Variants in B3GALT1 observed in about 807,000 individuals in gnomAD.
The protein encoded by B3GALT1 is beta-1,3-galactosyltransferase 1, also known as UDP-Gal:betaGlcNAc beta 1,3-galactosyltransferase, polypeptide 1.
B3GALT1 carries 10 observed loss-of-function variants against 23.2 expected under a neutral mutation model. That is an observed-to-expected ratio of 0.43 (90% CI 0.27 to 0.73). The LOEUF (loss-of-function observed/expected upper bound fraction) is 0.73. B3GALT1 is among the 30% of genes least tolerant of loss of function. The pLI is 0.21. For missense variants in B3GALT1, 299 were observed against 405.4 expected (o/e 0.74, Z 2.25); for synonymous variants, 156 against 141.5 (o/e 1.10, Z -0.73).
At chr2:167,785,074 G>T (rs1436476412) in intron 3 of B3GALT1, among the ~76,000 whole-genome samples, 2 of 152,206 alleles carry the variant, frequency 1.3e-5, no homozygotes, top group African/African-American at 4.8e-5. Context: ...CCCTGGAGAA[G>T]TCAGTAGGTT....
intron 3 of B3GALT1, among the ~76,000 whole-genome samples, chr2:167,668,448 C>T (rs966125639): frequency 2.0e-5 from 3 of 152,198 alleles, no homozygotes; most frequent in African/African-American, 7.2e-5. Context: ...CAGAGGCAGG[C>T]AGTCCTCCTT....
At chr2:167,725,756 C>A (rs1320213504) in intron 3 of B3GALT1, among the ~76,000 whole-genome samples, 1 of 152,042 alleles carries the variant, frequency 6.6e-6, no homozygotes, top group Non-Finnish European at 1.5e-5. Context: ...CCACAGTTGA[C>A]CCCATGAACC....
In B3GALT1 at chr2:167,823,539, G is replaced by A. The variant is rs78860412; in HGVS notation, c.-230+4746G>A. ...GAATTTTGTAAACAATCTCATAGGT[G>A]ACTAATTTGGTATAGCGAACAAAAG... On this transcript the variant is annotated intron_variant, in intron 4 of 4. Transcript: ENST00000392690. Among the ~76,000 whole-genome samples the A allele has an allele frequency of 8.7e-3, 1,321 of 152,304 alleles. 26 individuals are homozygous for A. Among genetic ancestry groups the A allele is most frequent in the African/African-American group, 0.03 (1,260 of 41,572 alleles).
intron 1 of B3GALT1, among the ~76,000 whole-genome samples, chr2:167,424,991 CCTT>C (rs1481654272): frequency 2.6e-4 from 40 of 152,204 alleles, no homozygotes; most frequent in Admixed American, 9.2e-4. Context: ...CCCAGCTGCT[CCTT>C]CTGGTTAATT....
chr2:167,493,108 G>T (rs933970229), intron 2 of B3GALT1, among the ~76,000 whole-genome samples: 1 of 152,100 alleles, frequency 6.6e-6, no homozygotes, highest in Admixed American at 6.5e-5. Flanking sequence ...TACATATGAG[G>T]CACATCAAAT....
intron 2 of B3GALT1, among the ~76,000 whole-genome samples, chr2:167,529,901 G>GT (rs892237048): frequency 3.2e-4 from 48 of 151,962 alleles, no homozygotes; most frequent in African/African-American, 9.6e-4. Flanking sequence ...AGCCAAAGCA[G>GT]TTTTTTTAAA....
intron 3 of B3GALT1, among the ~76,000 whole-genome samples, chr2:167,702,886 C>G (rs533438281): frequency 2.0e-5 from 3 of 152,306 alleles, no homozygotes; most frequent in Admixed American, 2.0e-4. Flanking sequence ...AAGTTTGTTC[C>G]AGTTTAAACT....
intron 1 of B3GALT1, among the ~76,000 whole-genome samples, chr2:167,324,733 G>A (rs1696866359): frequency 1.3e-5 from 2 of 151,896 alleles, no homozygotes; most frequent in Admixed American, 1.3e-4. Flanking sequence ...TAGCTTTTCT[G>A]GCTATTTTGA....
intron 3 of B3GALT1, among the ~76,000 whole-genome samples, chr2:167,709,040 T>C (rs1034248057): frequency 6.6e-6 from 1 of 152,320 alleles, no homozygotes; most frequent in African/African-American, 2.4e-5. Flanking sequence ...TTAGGATAAA[T>C]GTTTTGTTGG....
intron 2 of B3GALT1, among the ~76,000 whole-genome samples, chr2:167,594,246 ACAAAT>A (rs1206189371): frequency 6.6e-6 from 1 of 152,174 alleles, no homozygotes; most frequent in Non-Finnish European, 1.5e-5. Flanking sequence ...GTGGCATTAG[ACAAAT>A]CAAGGCACTG....
chr2:167,367,198 G>A (rs1406460322), intron 1 of B3GALT1, among the ~76,000 whole-genome samples: 1 of 152,134 alleles, frequency 6.6e-6, no homozygotes, highest in Non-Finnish European at 1.5e-5. Flanking sequence ...ATAAATTTAA[G>A]TTAATGGCAA....
At chr2:167,392,439 C>T (rs1265997513) in intron 1 of B3GALT1, among the ~76,000 whole-genome samples, 3 of 152,002 alleles carry the variant, frequency 2.0e-5, no homozygotes, top group Non-Finnish European at 2.9e-5. Context: ...ATATATAAAA[C>T]TGCTCCAAGT....
At chr2:167,394,410 A>G (rs1359916169) in intron 1 of B3GALT1, among the ~76,000 whole-genome samples, 1 of 152,148 alleles carries the variant, frequency 6.6e-6, no homozygotes. Context: ...TCCACTACAC[A>G]ATGTACTGTG....
At chr2:167,359,125 C>G (rs1697461069) in intron 1 of B3GALT1, among the ~76,000 whole-genome samples, 1 of 152,096 alleles carries the variant, frequency 6.6e-6, no homozygotes, top group African/African-American at 2.4e-5. Flanking sequence ...TTTAAAGCAA[C>G]AGTCATATTG....
At chr2:167,784,599 T>A (rs1042554603) in intron 3 of B3GALT1, among the ~76,000 whole-genome samples, 2 of 152,172 alleles carry the variant, frequency 1.3e-5, no homozygotes, top group African/African-American at 4.8e-5. Flanking sequence ...TAATAGCACA[T>A]AACTGGAAAC....
At chr2:167,471,316 C>T (rs181484745) in intron 1 of B3GALT1, among the ~76,000 whole-genome samples, 159 of 152,222 alleles carry the variant, frequency 1.0e-3, no homozygotes, top group African/African-American at 3.3e-3. Flanking sequence ...CATTCTTACA[C>T]GCAAGCTATC....
At chr2:167,818,433 G>C (rs927972782) in intron 3 of B3GALT1, among the ~76,000 whole-genome samples, 1 of 152,128 alleles carries the variant, frequency 6.6e-6, no homozygotes, top group South Asian at 2.1e-4. Flanking sequence ...ACCTGCATGG[G>C]CTTGAAGGCA....
At chr2:167,657,003 A>G (rs980448547) in intron 3 of B3GALT1, among the ~76,000 whole-genome samples, 3 of 152,138 alleles carry the variant, frequency 2.0e-5, no homozygotes, top group African/African-American at 4.8e-5. Flanking sequence ...GGAAAGAGGC[A>G]TCCCTGAGAA....
At chr2:167,506,101 A>G (rs527812187) in intron 2 of B3GALT1, among the ~76,000 whole-genome samples, 3 of 152,142 alleles carry the variant, frequency 2.0e-5, no homozygotes, top group Admixed American at 6.5e-5. Flanking sequence ...TTCATGGTTC[A>G]AGCAACACAA....
Sources: allele counts gnomAD v4.1 joint callset (sites outside exome capture counted in the v4.1 genomes callset), GRCh38; gene constraint gnomAD v4.1.1; transcripts MANE v1.5; gene names NCBI Gene and HGNC (gene_info 2026-07-23, HGNC 2026-07-21).